The following CELF2 variants were observed in gnomAD, a reference collection of about 807,000 sequenced individuals.
CELF2 encodes the protein CUGBP Elav-like family member 2.
In CELF2, 8 loss-of-function variants were observed where a neutral mutation model predicts 62.6. The ratio of observed to expected loss-of-function variants is 0.13; its 90% CI spans 0.07 to 0.23. CELF2 has a LOEUF of 0.23. Ranked by LOEUF, CELF2 falls within the 10% of genes least tolerant of loss-of-function variation. The pLI, the probability that CELF2 is intolerant of heterozygous loss-of-function variation, is 1.00. For missense variants in CELF2, 333 were observed against 671.0 expected, an observed-to-expected ratio of 0.50 and a Z score of 5.56; for synonymous variants, 258 against 250.0, an observed-to-expected ratio of 1.03 and a Z score of -0.30.
At chr10:10,848,881 G>A (rs536847723) in intron 1 of CELF2, among the ~76,000 whole-genome samples, 6 of 152,018 alleles carry the variant, frequency 3.9e-5, no homozygotes, top group Admixed American at 2.6e-4. Context: ...GTCCCATGTC[G>A]AAGGAACACC....
the CELF2 span, among the ~76,000 whole-genome samples, chr10:10,530,714 C>T: frequency 1.3e-5 from 2 of 152,190 alleles, no homozygotes; most frequent in Non-Finnish European, 2.9e-5. Context: ...TGGTTACCTA[C>T]AAAGGTGTTT....
chr10:11,096,089 T>C (rs2049796976), intron 1 of CELF2, among the ~76,000 whole-genome samples: 1 of 152,236 alleles, frequency 6.6e-6, no homozygotes, highest in Non-Finnish European at 1.5e-5. Flanking sequence ...TAGCCTCATG[T>C]TGACCTGCAT....
In CELF2 at chr10:11,122,055, A is replaced by G. The variant is rs936807418; in HGVS notation, c.75-43431A>G. Among the ~76,000 whole-genome samples the G allele has an allele frequency of 7.9e-5, 12 of 152,236 alleles. 1 individual carries two copies. The highest frequency in any genetic ancestry group is 1.7e-4 in the African/African-American group (7 of 41,470). On this transcript the variant is annotated intron_variant, in intron 1 of 12. Transcript: ENST00000633077. Reference sequence around the variant, plus strand: ...GCTCCACACCCAGGTGAGGTACACTATATAATTGAGGCATCTCTGGCAAAT... The same window carrying G: ...GCTCCACACCCAGGTGAGGTACACTGTATAATTGAGGCATCTCTGGCAAAT...
At chr10:10,886,084 T>A (rs1050241714) in intron 1 of CELF2, among the ~76,000 whole-genome samples, 1 of 152,206 alleles carries the variant, frequency 6.6e-6, no homozygotes, top group African/African-American at 2.4e-5. Context: ...TATTTTAAAT[T>A]AATATTCTAT....
Position 11,207,275 on chromosome 10 carries a change from CTCG to C in CELF2, c.272-10149_272-10147del, listed in dbSNP as rs1228444176. Among the ~76,000 whole-genome samples the C allele has an allele frequency of 6.6e-6, 1 of 152,168 alleles. No individual in the cohort carries two copies. The highest frequency in any genetic ancestry group is 1.5e-5 in the Non-Finnish European group (1 of 68,034). On this transcript the variant is annotated intron_variant, in intron 2 of 12. Coordinates refer to ENST00000633077, the MANE Select transcript of CELF2 (RefSeq NM_001326342.2). The surrounding 1 kb of genome is among the most constrained non-coding windows in gnomAD (Gnocchi z 4.1). ...AAGGAAAGAAAGAAACTCCATTTTC[CTCG>C]CAGAAAACAGGGAGCTTGCTAGTCT...
chr10:10,710,176 C>A, the CELF2 span, among the ~76,000 whole-genome samples: 1 of 152,178 alleles, frequency 6.6e-6, no homozygotes, highest in Admixed American at 6.5e-5. Flanking sequence ...AAATACCAAA[C>A]AAAACCCAGT....
At chr10:10,696,238 G>A in the CELF2 span, among the ~76,000 whole-genome samples, 3 of 151,896 alleles carry the variant, frequency 2.0e-5, no homozygotes, top group South Asian at 2.1e-4. Context: ...ACTCTCAGCT[G>A]GAGGTCTGTT....
intron 1 of CELF2, among the ~76,000 whole-genome samples, chr10:10,903,216 G>T (rs1435177073): frequency 1.3e-5 from 2 of 152,074 alleles, no homozygotes; most frequent in Admixed American, 1.3e-4. Flanking sequence ...CATTTATTTT[G>T]TATAATGTCC....
intron 2 of CELF2, among the ~76,000 whole-genome samples, chr10:11,174,924 T>C (rs1161243942): frequency 1.3e-5 from 2 of 152,186 alleles, no homozygotes; most frequent in African/African-American, 4.8e-5. Context: ...AAGGCCTTAC[T>C]CAGAATTGCT....
the CELF2 span, among the ~76,000 whole-genome samples, chr10:10,721,641 C>T: frequency 6.6e-6 from 1 of 152,096 alleles, no homozygotes; most frequent in Non-Finnish European, 1.5e-5. Flanking sequence ...TTTGCATTTC[C>T]TCTGGACTAT....
chr10:11,138,655 G>A (rs2060819991), intron 1 of CELF2, among the ~76,000 whole-genome samples: 1 of 152,240 alleles, frequency 6.6e-6, no homozygotes, highest in Non-Finnish European at 1.5e-5. Context: ...CTGGGGGCAG[G>A]TGTCATGAAC....
chr10:11,083,949 C>T (rs2074719115), intron 1 of CELF2, among the ~76,000 whole-genome samples: 1 of 152,182 alleles, frequency 6.6e-6, no homozygotes, highest in African/African-American at 2.4e-5. Flanking sequence ...ACAGCATGGA[C>T]TATATCAGAC....
rs4579840 is a variant in CELF2 at position 11,307,732 on chromosome 10, C to G, written c.977-6407C>G. On this transcript the variant is annotated intron_variant, in intron 9 of 12. Coordinates refer to ENST00000633077, the MANE Select transcript of CELF2 (RefSeq NM_001326342.2). ...TGTTTTGTGTTTTGTTTTTAAGATT[C>G]CACTGAAAAGAGCTGATGAAACTAT... Among the ~76,000 whole-genome samples the G allele has an allele frequency of 4.7e-3, 718 of 152,300 alleles. 12 individuals carry two copies. In the East Asian group the frequency reaches 0.051, roughly 11 times the overall value.
chr10:10,846,340 C>G (rs2059011490), intron 1 of CELF2, among the ~76,000 whole-genome samples: 1 of 152,108 alleles, frequency 6.6e-6, no homozygotes, highest in Admixed American at 6.6e-5. Flanking sequence ...CCCTCACTGC[C>G]CAGAATCTTT....
At chr10:11,181,708 C>A (rs1197276761) in intron 2 of CELF2, among the ~76,000 whole-genome samples, 1 of 152,244 alleles carries the variant, frequency 6.6e-6, no homozygotes, top group East Asian at 1.9e-4. Context: ...ACGCATTTGT[C>A]ATCTCTAACT....
At chr10:10,566,552 A>G in the CELF2 span, among the ~76,000 whole-genome samples, 1,794 of 147,544 alleles carry the variant, frequency 0.012, 47 homozygotes, top group East Asian at 0.088. Context: ...ATATCTCCCA[A>G]TGCTATCCCT....
chr10:10,619,244 A>C, the CELF2 span, among the ~76,000 whole-genome samples: 1 of 152,232 alleles, frequency 6.6e-6, no homozygotes, highest in Non-Finnish European at 1.5e-5. Context: ...TTTTATTAAA[A>C]GGGAAATCTT....
chr10:10,512,404 T>C, the CELF2 span, among the ~76,000 whole-genome samples: 1 of 142,672 alleles, frequency 7.0e-6, no homozygotes, highest in African/African-American at 2.7e-5. Context: ...TGGAACGCTT[T>C]TTTTTTTTTT....
chr10:11,009,558 T>C (rs2056052530), intron 1 of CELF2, among the ~76,000 whole-genome samples: 1 of 152,152 alleles, frequency 6.6e-6, no homozygotes, highest in Non-Finnish European at 1.5e-5. Flanking sequence ...TTTTCTTGTA[T>C]GTCAAGACCA....
Sources: gnomAD v4.1 joint callset for allele counts (sites outside exome capture counted in the v4.1 genomes callset) on GRCh38, gnomAD v4.1.1 for gene constraint, Gnocchi (gnomAD v3.1) non-coding constraint, MANE v1.5 for transcripts, NCBI Gene and HGNC (gene_info 2026-07-23, HGNC 2026-07-21) for gene names.